The following CBLN2 variants were observed in gnomAD, a reference collection of about 807,000 sequenced individuals.
CBLN2 encodes cerebellin 2 precursor, also known as cerebellin-2.
A neutral mutation model predicts 15.0 loss-of-function variants in CBLN2; 7 were observed. The observed-to-expected ratio is 0.47, with a 90% confidence interval of 0.27 to 0.88. CBLN2 has a LOEUF of 0.88. Among genes scored for constraint, CBLN2 ranks in the 40% least tolerant of loss-of-function variants. The pLI is 0.14. For missense variants in CBLN2, 242 were observed against 304.5 expected, an observed-to-expected ratio of 0.79 and a Z score of 1.53; for synonymous variants, 149 against 135.2, an observed-to-expected ratio of 1.10 and a Z score of -0.71.
chr18:72,615,025 G>A (rs2069647290), intron 1 of CBLN2, among the ~76,000 whole-genome samples: 1 of 137,436 alleles, frequency 7.3e-6, no homozygotes, highest in South Asian at 2.2e-4. Flanking sequence ...GCAACTTAAG[G>A]AGATCAAGTA....
At chr18:72,545,673 G>T (rs555070506), upstream of CBLN2, among the ~76,000 whole-genome samples, 1 of 152,104 alleles carries the variant, frequency 6.6e-6, no homozygotes, top group South Asian at 2.1e-4. Flanking sequence ...AGAGAGAACT[G>T]ATTTAAGTGT....
chr18:72,618,874 G>C, intron 1 of CBLN2: 1 of 727,442 alleles, frequency 1.4e-6, no homozygotes, highest in Non-Finnish European at 2.5e-6. Context: ...AAGCTTTAGC[G>C]GTGGTCATGG....
At chr18:72,606,120 C>T (rs1484275354) in intron 1 of CBLN2, among the ~76,000 whole-genome samples, 1 of 152,186 alleles carries the variant, frequency 6.6e-6, no homozygotes, top group Non-Finnish European at 1.5e-5. Flanking sequence ...AAAGCTTTTC[C>T]TATTCTTTAG....
At chr18:72,611,960 C>T (rs2069625399) in intron 1 of CBLN2, among the ~76,000 whole-genome samples, 2 of 152,236 alleles carry the variant, frequency 1.3e-5, no homozygotes, top group Middle Eastern at 3.4e-3. Context: ...CTATATATGG[C>T]TGGCCAGTTA....
At chr18:72,627,016 CGTT>C (rs2069744220) in intron 1 of CBLN2, among the ~76,000 whole-genome samples, 1 of 152,126 alleles carries the variant, frequency 6.6e-6, no homozygotes, top group African/African-American at 2.4e-5. Flanking sequence ...TCCCACTCAA[CGTT>C]ATTTTTGTGA....
intron 1 of CBLN2, among the ~76,000 whole-genome samples, chr18:72,583,851 T>C (rs1216102278): frequency 6.6e-6 from 1 of 152,246 alleles, no homozygotes; most frequent in Non-Finnish European, 1.5e-5. Context: ...TCAGGCTCTT[T>C]GAAAAGTTGC....
At chr18:72,616,731 T>C (rs984477812) in intron 1 of CBLN2, among the ~76,000 whole-genome samples, 11 of 152,190 alleles carry the variant, frequency 7.2e-5, no homozygotes, top group African/African-American at 2.7e-4. Flanking sequence ...TGTTTGTCTA[T>C]TTCATCTATC....
chr18:72,539,159 A>T lies in CBLN2; in HGVS notation c.358-387T>A, dbSNP rs962120865. 1.2e-5 allele frequency: 2 copies of T among 168,246 alleles called. 1 individual carries two copies. The highest frequency in any genetic ancestry group is 4.8e-5 in the African/African-American group (2 of 41,966). 10.4% of individuals were successfully genotyped at this position (168,246 alleles called of 1,614,324 possible). A position where few individuals can be genotyped will look rare whatever the true frequency, so the allele number is the denominator to read the frequency against. ...GTGGGAATATGGGGGCATCAGCATG[A>T]TGCCTTGTTTGACAAAAAAACGAAC... On this transcript the variant is annotated intron_variant, in intron 3 of 4. Transcript: ENST00000269503.
intron 1 of CBLN2, among the ~76,000 whole-genome samples, chr18:72,601,073 C>G (rs529536676): frequency 1.2e-4 from 19 of 152,238 alleles, no homozygotes; most frequent in South Asian, 6.2e-4. Flanking sequence ...TTTAACTATG[C>G]CTATATCTTA....
intron 1 of CBLN2, among the ~76,000 whole-genome samples, chr18:72,578,186 T>C (rs2069380453): frequency 6.6e-6 from 1 of 152,198 alleles, no homozygotes; most frequent in South Asian, 2.1e-4. Context: ...GTAGGTGTAA[T>C]CTTAAAGTGT....
chr18:72,559,207 C>T (rs2069244984), intron 1 of CBLN2, among the ~76,000 whole-genome samples: 1 of 152,232 alleles, frequency 6.6e-6, no homozygotes, highest in Non-Finnish European at 1.5e-5. Flanking sequence ...CAGCAATGCA[C>T]TTGATGTTTT....
At position 72,537,613 on chromosome 18, in the gene CBLN2, G is replaced by C. The variant is rs145556323; in HGVS notation, c.*563C>G. 8.4e-4 allele frequency: 129 copies of C among 153,268 alleles called. No homozygotes were observed. Among genetic ancestry groups the C allele is most frequent in the South Asian group, 8.2e-3 (40 of 4,862 alleles). 9.5% of individuals were successfully genotyped at this position (153,268 alleles called of 1,614,324 possible). ...TCTCTGGATAAAGCACTTCTTGACAGGTTCCCAATGTCCCCATCCCCCTCC... is the reference window on the plus strand; with the variant it reads ...TCTCTGGATAAAGCACTTCTTGACACGTTCCCAATGTCCCCATCCCCCTCC... On this transcript the variant is annotated 3_prime_UTR_variant, in exon 5 of 5. Transcript: ENST00000269503.
intron 1 of CBLN2, among the ~76,000 whole-genome samples, chr18:72,598,526 A>G (rs768086471): frequency 6.6e-6 from 1 of 152,188 alleles, no homozygotes; most frequent in Non-Finnish European, 1.5e-5. Flanking sequence ...GGCAGGGGTT[A>G]TGCAAGCACT....
chr18:72,610,141 A>G (rs2069612258), intron 1 of CBLN2, among the ~76,000 whole-genome samples: 1 of 152,098 alleles, frequency 6.6e-6, no homozygotes, highest in South Asian at 2.1e-4. Context: ...TAAATGATGT[A>G]GACTGTATTT....
chr18:72,574,050 T>C (rs2069348736), intron 1 of CBLN2, among the ~76,000 whole-genome samples: 1 of 152,240 alleles, frequency 6.6e-6, no homozygotes, highest in African/African-American at 2.4e-5. Flanking sequence ...GTTGAGCCTC[T>C]TTTCATATCC....
chr18:72,554,211 A>C (rs2069209455), intron 1 of CBLN2, among the ~76,000 whole-genome samples: 2 of 152,070 alleles, frequency 1.3e-5, no homozygotes, highest in African/African-American at 4.8e-5. Flanking sequence ...GACTCTGATT[A>C]AAGCAGTCAA....
At chr18:72,610,410 T>A (rs148332316) in intron 1 of CBLN2, among the ~76,000 whole-genome samples, 3,818 of 152,300 alleles carry the variant, frequency 0.025, 81 homozygotes, top group Admixed American at 0.053. Context: ...TTAAAACACA[T>A]CACTATCATT....
Position 72,541,983 on chromosome 18 carries a change from G to A in CBLN2, c.178C>T (p.Leu60=). ...CACACCACCAGGCACTTGCCCTCCA[G>A]CACGATGGGCTCCGTGTCGTTCTGC... is the stretch of plus-strand genomic sequence containing the variant. ...RAQNDTEPIV[L]EGKCLVVCDS... is the part of the protein sequence containing the mutation. The change falls in exon 3 of 5, where the codon CTG becomes TTG. Residue 60 remains leucine, a synonymous_variant. Coordinates refer to ENST00000269503, the MANE Select transcript of CBLN2 (RefSeq NM_182511.4). 1 of 1,605,910 alleles carries A rather than the reference G, an allele frequency of 6.2e-7. No homozygotes were observed. Among genetic ancestry groups the A allele is most frequent in the Non-Finnish European group, 8.5e-7 (1 of 1,179,506 alleles).
chr18:72,606,927 G>T (rs1343033909), intron 1 of CBLN2, among the ~76,000 whole-genome samples: 1 of 152,236 alleles, frequency 6.6e-6, no homozygotes, highest in African/African-American at 2.4e-5. Context: ...CTCCCTGTTG[G>T]AGGTAGAATT....
Sources: allele counts gnomAD v4.1 joint callset (sites outside exome capture counted in the v4.1 genomes callset), GRCh38; gene constraint gnomAD v4.1.1; transcripts MANE v1.5; gene names NCBI Gene and HGNC (gene_info 2026-07-23, HGNC 2026-07-21).